Variants in TLK2 observed in about 807,000 individuals in gnomAD.
TLK2 encodes the protein tousled like kinase 2, also known as serine/threonine-protein kinase tousled-like 2.
Under a neutral mutation model 117.3 loss-of-function variants are expected in TLK2, and 6 were observed. The ratio of observed to expected loss-of-function variants is 0.05; its 90% CI spans 0.03 to 0.10. TLK2 has a LOEUF of 0.10. Among genes scored for constraint, TLK2 ranks in the 10% least tolerant of loss-of-function variants. The pLI is 1.00. For missense variants in TLK2, 299 were observed against 901.2 expected, an observed-to-expected ratio of 0.33 and a Z score of 8.56; for synonymous variants, 257 against 316.7, an observed-to-expected ratio of 0.81 and a Z score of 2.00.
chr17:62,547,272 G>T (rs1339978456), intron 7 of TLK2, among the ~76,000 whole-genome samples: 1 of 150,098 alleles, frequency 6.7e-6, no homozygotes, highest in African/African-American at 2.4e-5. Flanking sequence ...TGCTGTTGGG[G>T]TTGTCTTGAA....
chr17:62,533,367 GGTGTGTGTGTGTGTGTGTGT>G (rs369887924), intron 6 of TLK2, among the ~76,000 whole-genome samples: 2 of 111,122 alleles, frequency 1.8e-5, no homozygotes, highest in Non-Finnish European at 3.9e-5. Flanking sequence ...TCCTATACGG[GGTGTGTGTGTGTGTGTGTGT>G]GTGTCTGTGT....
intron 2 of TLK2, among the ~76,000 whole-genome samples, chr17:62,486,115 C>T (rs1431749289): frequency 2.6e-5 from 4 of 151,350 alleles, no homozygotes; most frequent in Admixed American, 6.6e-5. Context: ...CCACTGCACC[C>T]GGCTGCTAGT....
At chr17:62,488,820 A>ATTTTTT (rs36026309) in intron 2 of TLK2, among the ~76,000 whole-genome samples, 9 of 99,752 alleles carry the variant, frequency 9.0e-5, no homozygotes, top group East Asian at 2.6e-4. Flanking sequence ...GGCCTTGAAG[A>ATTTTTT]TTTTTTTTTT....
chr17:62,579,266 A>C (rs2081041674), intron 14 of TLK2, among the ~76,000 whole-genome samples: 1 of 152,194 alleles, frequency 6.6e-6, no homozygotes, highest in Non-Finnish European at 1.5e-5. Context: ...GCTTGGTCCT[A>C]AGTGCCCTTA....
In TLK2 at chr17:62,513,752, G is replaced by A. The variant is rs369480261; in HGVS notation, c.82-7021G>A. Among the ~76,000 whole-genome samples, 14 of 152,146 alleles carry A rather than the reference G, an allele frequency of 9.2e-5. No individual in the cohort carries two copies. The East Asian group carries it at 9.6e-4, about 10-fold the overall frequency. ...CACCCAGGCTAGAGTACAGTGGTGC[G>A]ATCTTGGCTCACTGCAACCTCCGTC... On this transcript the variant is annotated intron_variant, in intron 2 of 21. Coordinates refer to ENST00000346027, the MANE Select transcript of TLK2 (RefSeq NM_006852.6).
chr17:62,504,868 C>T (rs2319041), intron 2 of TLK2, among the ~76,000 whole-genome samples: 5 of 152,082 alleles, frequency 3.3e-5, no homozygotes, highest in African/African-American at 1.2e-4. Context: ...TTATTTATTA[C>T]TTTGAGACTG....
chr17:62,560,807 C>T (rs1298661483), intron 10 of TLK2, among the ~76,000 whole-genome samples: 1 of 151,974 alleles, frequency 6.6e-6, no homozygotes, highest in African/African-American at 2.4e-5. Context: ...GCGTGCGCCA[C>T]CATGCCCGGC....
At chr17:62,607,988 T>C (rs2083442673) in intron 20 of TLK2, 53 bp from the exon 21 acceptor site, 1 of 1,472,462 alleles carries the variant, frequency 6.8e-7, no homozygotes, top group Non-Finnish European at 9.3e-7. Flanking sequence ...TGAATTGTTT[T>C]CTCTATAATT....
At chr17:62,513,132 G>A (rs1381783786) in intron 2 of TLK2, among the ~76,000 whole-genome samples, 12 of 151,290 alleles carry the variant, frequency 7.9e-5, no homozygotes, top group Non-Finnish European at 5.9e-5. Flanking sequence ...CACCTGCGTC[G>A]GCCTCCCAAA....
chr17:62,501,826 G>T (rs527722886), intron 2 of TLK2, among the ~76,000 whole-genome samples: 2 of 152,094 alleles, frequency 1.3e-5, no homozygotes, highest in South Asian at 4.2e-4. Context: ...AATTAGTCAG[G>T]TGTGGTGGTG....
At chr17:62,554,899 T>A (rs914896794) in intron 9 of TLK2, among the ~76,000 whole-genome samples, 3 of 151,574 alleles carry the variant, frequency 2.0e-5, no homozygotes, top group African/African-American at 7.3e-5. Flanking sequence ...AAATTATACA[T>A]GCTCTTTACA....
intron 6 of TLK2, among the ~76,000 whole-genome samples, chr17:62,527,741 G>A (rs1005583632): frequency 2.0e-5 from 3 of 151,322 alleles, no homozygotes; most frequent in South Asian, 2.1e-4. Context: ...CCCATCTTCC[G>A]ACTAGATTTT....
At chr17:62,584,861 G>T (rs4968766) in intron 15 of TLK2, among the ~76,000 whole-genome samples, 101,380 of 152,002 alleles carry the variant, frequency 0.67, 34,045 homozygotes, top group East Asian at 0.82. Context: ...ACCCTATTTA[G>T]GTACTGTTTT....
rs1176754284 is a variant in TLK2, at chr17:62,483,479, C to T, written c.81+2273C>T. 1.3e-5 allele frequency among the ~76,000 whole-genome samples: 2 copies of T among 152,136 alleles called. 1 individual carries two copies. Among genetic ancestry groups the T allele is most frequent in the Admixed American group, 1.3e-4 (2 of 15,258 alleles). On this transcript the variant is annotated intron_variant, in intron 2 of 21. Transcript: ENST00000346027. Reference sequence around the variant, plus strand: ...TTAACATAGAAAGAAGTTCTCTGTACAGAAAAAGAAATTTACCTATTTCCA... The same window carrying T: ...TTAACATAGAAAGAAGTTCTCTGTATAGAAAAAGAAATTTACCTATTTCCA...
At chr17:62,496,858 G>A (rs1310567529) in intron 2 of TLK2, among the ~76,000 whole-genome samples, 1 of 151,330 alleles carries the variant, frequency 6.6e-6, no homozygotes, top group Non-Finnish European at 1.5e-5. Flanking sequence ...TCGGGAGGCT[G>A]AGGCAGGAGA....
intron 11 of TLK2, among the ~76,000 whole-genome samples, chr17:62,572,197 T>A (rs1294649800): frequency 2.0e-5 from 3 of 149,560 alleles, no homozygotes; most frequent in African/African-American, 7.4e-5. Flanking sequence ...AAAAAAAAGA[T>A]TTATTATTCC....
chr17:62,514,610 C>G (rs1466465405), intron 2 of TLK2, among the ~76,000 whole-genome samples: 2 of 137,964 alleles, frequency 1.4e-5, no homozygotes, highest in East Asian at 2.2e-4. Flanking sequence ...TGGAGTTTTG[C>G]TCTTGTTGCC....
rs747606099 is a variant in TLK2, at chr17:62,578,459, C to G, written c.1189-18C>G. On this transcript the variant is annotated intron_variant, in intron 13 of 21. Transcript: ENST00000346027. ...AAGTTCCCCCTATTTTGTGCTATTTCTTTCCTTTTCGCTTTAGGAGGAAGC... is the reference window on the plus strand; with the variant it reads ...AAGTTCCCCCTATTTTGTGCTATTTGTTTCCTTTTCGCTTTAGGAGGAAGC... 1.9e-6 allele frequency: 3 copies of G among 1,607,946 alleles called. No individual in the cohort carries two copies. The highest frequency in any genetic ancestry group is 2.6e-6 in the Non-Finnish European group (3 of 1,174,996).
intron 10 of TLK2, among the ~76,000 whole-genome samples, chr17:62,561,982 G>T (rs1028013374): frequency 6.6e-6 from 1 of 152,152 alleles, no homozygotes; most frequent in Non-Finnish European, 1.5e-5. Flanking sequence ...GTTTCCAAAA[G>T]AACTGAAATT....
Sources: allele counts gnomAD v4.1 joint callset (sites outside exome capture counted in the v4.1 genomes callset), GRCh38; gene constraint gnomAD v4.1.1; transcripts MANE v1.5; gene names NCBI Gene and HGNC (gene_info 2026-07-23, HGNC 2026-07-21).